The following CEPT1 variants were observed in gnomAD, a reference collection of about 807,000 sequenced individuals.
CEPT1 encodes choline/ethanolamine phosphotransferase 1.
Under a neutral mutation model 42.6 loss-of-function variants are expected in CEPT1, and 7 were observed. The ratio of observed to expected loss-of-function variants is 0.16; its 90% CI spans 0.09 to 0.31. The LOEUF is 0.31. CEPT1 is among the 10% of genes least tolerant of loss of function. The pLI, the probability that CEPT1 is intolerant of heterozygous loss-of-function variation, is 1.00. For synonymous variants in CEPT1, 171 were observed against 171.9 expected (o/e 0.99, Z 0.04); for missense variants, 306 against 502.1 (o/e 0.61, Z 3.73).
intron 2 of CEPT1, among the ~76,000 whole-genome samples, chr1:111,158,374 T>A (rs187284170): frequency 2.0e-5 from 3 of 152,140 alleles, no homozygotes; most frequent in South Asian, 4.1e-4. Flanking sequence ...ATAAATTAAT[T>A]AATTAATTTA....
At chr1:111,161,781 C>T in intron 4 of CEPT1, among the ~76,000 whole-genome samples, 1 of 152,220 alleles carries the variant, frequency 6.6e-6, no homozygotes, top group East Asian at 1.9e-4. Flanking sequence ...TCACAGTTCA[C>T]TTTCAATACC....
intron 1 of CEPT1, among the ~76,000 whole-genome samples, chr1:111,142,785 G>A (rs1012597868): frequency 2.6e-5 from 4 of 152,142 alleles, no homozygotes; most frequent in Admixed American, 2.0e-4. Flanking sequence ...ACAGTCTGGG[G>A]GAAAGACCAA....
intron 1 of CEPT1, among the ~76,000 whole-genome samples, chr1:111,141,878 A>G (rs964041836): frequency 2.6e-5 from 4 of 151,458 alleles, no homozygotes; most frequent in East Asian, 1.9e-4. Context: ...TAGTGTAGCC[A>G]TGAGTATTTT....
chr1:111,164,578 T>G (rs1005145914), intron 4 of CEPT1, among the ~76,000 whole-genome samples: 1 of 152,010 alleles, frequency 6.6e-6, no homozygotes, highest in African/African-American at 2.4e-5. Context: ...TTTTCTCCCT[T>G]AAGACCTAAA....
chr1:111,161,378 T>G, intron 4 of CEPT1, 82 bp downstream of exon 4: 1 of 1,315,712 alleles, frequency 7.6e-7, no homozygotes, highest in East Asian at 2.4e-5. Flanking sequence ...GTATTAGAAA[T>G]TGATCAAATC....
intron 4 of CEPT1, among the ~76,000 whole-genome samples, chr1:111,165,431 A>G (rs1656101429): frequency 6.6e-6 from 1 of 152,134 alleles, no homozygotes; most frequent in African/African-American, 2.4e-5. Context: ...AATACTCTTC[A>G]ATTATTTTTT....
intron 3 of CEPT1, chr1:111,160,190 A>G (rs904620865): frequency 1.3e-5 from 2 of 152,176 alleles, no homozygotes; most frequent in Non-Finnish European, 1.5e-5. Flanking sequence ...TATAAGTGAT[A>G]TCTCTTTATT....
At chr1:111,148,218 C>G (rs749643641) in intron 2 of CEPT1, among the ~76,000 whole-genome samples, 165 bp downstream of exon 2, 1 of 152,166 alleles carries the variant, frequency 6.6e-6, no homozygotes, top group South Asian at 2.1e-4. Context: ...TACACACTTG[C>G]TTATTGGAAA....
chr1:111,158,972 G>A (rs1176944950), intron 2 of CEPT1, among the ~76,000 whole-genome samples: 2 of 127,130 alleles, frequency 1.6e-5, no homozygotes, highest in Admixed American at 1.8e-4. Context: ...GGAGTGCAGT[G>A]GCGCAATCTC....
rs1286927246 is a variant in CEPT1 at position 111,155,523 on chromosome 1, G to GAT, written c.340-3848_340-3847dup. 7.3e-5 allele frequency among the ~76,000 whole-genome samples: 11 copies of GAT among 151,176 alleles called. No homozygotes were observed. The East Asian group carries it at 1.2e-3, about 16-fold the overall frequency. On this transcript the variant is annotated intron_variant, in intron 2 of 8. Transcript: ENST00000357172. ...CATATATGTATATATACATATATAT[G>GAT]ATATATATATTCACTTTTTTGGGGG...
intron 4 of CEPT1, among the ~76,000 whole-genome samples, chr1:111,163,144 T>C (rs1309204574): frequency 6.6e-6 from 1 of 151,560 alleles, no homozygotes; most frequent in Non-Finnish European, 1.5e-5. Context: ...TTGCAAGGCT[T>C]GGGGTTGGGG....
intron 4 of CEPT1, among the ~76,000 whole-genome samples, chr1:111,165,606 C>T (rs1026314864): frequency 1.3e-5 from 2 of 152,104 alleles, no homozygotes; most frequent in African/African-American, 4.8e-5. Context: ...AAGGTTCTTT[C>T]TGTTTATAAA....
chr1:111,158,139 C>T (rs1236986858), intron 2 of CEPT1, among the ~76,000 whole-genome samples: 3 of 152,020 alleles, frequency 2.0e-5, no homozygotes, highest in East Asian at 1.9e-4. Flanking sequence ...GTGAAGAGTT[C>T]GACACCAGCC....
At chr1:111,181,763 C>T (rs1268159851) in intron 5 of CEPT1, 1 of 152,388 alleles carries the variant, frequency 6.6e-6, no homozygotes, top group Non-Finnish European at 1.5e-5. Context: ...ATTCATACTT[C>T]CTCACAACAA....
chr1:111,182,793 G>C lies in CEPT1; in HGVS notation c.847-6G>C, dbSNP rs777035244. On this transcript the variant is annotated splice_region_variant and splice_polypyrimidine_tract_variant and intron_variant, in intron 6 of 8. Coordinates refer to ENST00000357172, the MANE Select transcript of CEPT1 (RefSeq NM_006090.5). ...TACTATTAACTCTTCTCTTCACTCT[G>C]TACAGGGAACAAGTGTCCTTTCTCC... 2.5e-6 allele frequency: 4 copies of C among 1,609,936 alleles called. No individual in the cohort carries two copies. Among genetic ancestry groups the C allele is most frequent in the South Asian group, 2.2e-5 (2 of 90,714 alleles).
chr1:111,142,799 AAC>A (rs1203409726), intron 1 of CEPT1, among the ~76,000 whole-genome samples: 1 of 152,220 alleles, frequency 6.6e-6, no homozygotes, highest in East Asian at 1.9e-4. Flanking sequence ...AGACCAAAAA[AAC>A]ACAAACAAAC....
At chr1:111,155,367 CT>C (rs1354977517) in intron 2 of CEPT1, among the ~76,000 whole-genome samples, 2 of 151,674 alleles carry the variant, frequency 1.3e-5, no homozygotes, top group Non-Finnish European at 2.9e-5. Context: ...GGTCTTCTGT[CT>C]TTTTTTCTTG....
chr1:111,155,662 C>T (rs748815255), intron 2 of CEPT1, among the ~76,000 whole-genome samples: 3 of 152,042 alleles, frequency 2.0e-5, no homozygotes, highest in Non-Finnish European at 2.9e-5. Flanking sequence ...CCTCAGCCTC[C>T]CGAGTAGCTG....
rs1657196179 is a variant in CEPT1 at position 111,185,021 on chromosome 1, A to G, written c.*711A>G. The G allele has an allele frequency of 1.3e-5, 2 of 152,512 alleles. No homozygotes were observed. The highest frequency in any genetic ancestry group is 4.8e-5 in the African/African-American group (2 of 41,414). 9.4% of individuals were successfully genotyped at this position (152,512 alleles called of 1,614,324 possible). A position where few individuals can be genotyped will look rare whatever the true frequency, so the allele number is the denominator to read the frequency against. On this transcript the variant is annotated 3_prime_UTR_variant, in exon 9 of 9. Transcript: ENST00000357172. ...TCTCAGTTTTACTCAGTGGAAAGAT[A>G]AACTAAGTTTTAATGTTATTTTTTT... is the stretch of plus-strand genomic sequence containing the variant.
Sources: allele counts gnomAD v4.1 joint callset (sites outside exome capture counted in the v4.1 genomes callset), GRCh38; gene constraint gnomAD v4.1.1; transcripts MANE v1.5; gene names NCBI Gene and HGNC (gene_info 2026-07-23, HGNC 2026-07-21).